The following TNFAIP8 variants were observed in gnomAD, a reference collection of about 807,000 sequenced individuals.
TNFAIP8 encodes the protein TNF alpha induced protein 8, also known as tumor necrosis factor alpha-induced protein 8.
Under a neutral mutation model 13.3 loss-of-function variants are expected in TNFAIP8, and 7 were observed. The ratio of observed to expected loss-of-function variants is 0.52; its 90% CI spans 0.30 to 0.99. The LOEUF (loss-of-function observed/expected upper bound fraction) is 0.99, where lower values mean the gene tolerates loss of function less well. Ranked by LOEUF, TNFAIP8 falls within the 50% of genes least tolerant of loss-of-function variation. The probability of loss-of-function intolerance (pLI) is 0.07; values close to 1 mark genes in which losing one functional copy is unlikely to be tolerated. For missense variants in TNFAIP8, 258 were observed against 236.9 expected (o/e 1.09, Z -0.58); for synonymous variants, 94 against 87.6 (o/e 1.07, Z -0.41).
At chr5:119,336,609 A>G (rs772750348) in intron 1 of TNFAIP8, among the ~76,000 whole-genome samples, 1 of 152,192 alleles carries the variant, frequency 6.6e-6, no homozygotes, top group Non-Finnish European at 1.5e-5. Flanking sequence ...GGTTTTCCCA[A>G]TGGTATTCTG....
At chr5:119,351,022 G>C (rs1751115289), upstream of TNFAIP8, among the ~76,000 whole-genome samples, 1 of 151,236 alleles carries the variant, frequency 6.6e-6, no homozygotes, top group Non-Finnish European at 1.5e-5. Context: ...GTGTGTGTGT[G>C]TGTGTGTGTG....
At chr5:119,355,791 G>T, upstream of TNFAIP8, 1 of 492,484 alleles carries the variant, frequency 2.0e-6, no homozygotes, top group Non-Finnish European at 2.8e-6. Flanking sequence ...TGCCCCACCT[G>T]CGTGCGCCCG....
rs76846136 is a variant in TNFAIP8 at position 119,277,463 on chromosome 5, G to T, written c.1+8556G>T. Among the ~76,000 whole-genome samples the T allele has an allele frequency of 5.3e-4, 80 of 152,054 alleles. No individual in the cohort carries two copies. In the East Asian group the frequency reaches 0.014, roughly 27 times the overall value. ...TTTAATATTATAGCTCACGTCTACT[G>T]GCCACAGATCCTCTCAGCTTGTTGT... On this transcript the variant is annotated intron_variant, in intron 1 of 1. Transcript: ENST00000274456.
At chr5:119,355,814 C>A (rs1751380101), upstream of TNFAIP8, 3 of 824,464 alleles carry the variant, frequency 3.6e-6, no homozygotes, top group South Asian at 1.4e-4. Flanking sequence ...CCGAGCCAGC[C>A]CCGCCAGGTC....
intron 1 of TNFAIP8, among the ~76,000 whole-genome samples, chr5:119,301,564 T>C (rs532000535): frequency 1.2e-4 from 19 of 152,372 alleles, no homozygotes; most frequent in African/African-American, 3.4e-4. Flanking sequence ...GCTGGAGACA[T>C]TGGAGTCCCA....
intron 1 of TNFAIP8, among the ~76,000 whole-genome samples, chr5:119,365,468 A>C (rs1418322844): frequency 6.6e-6 from 1 of 152,204 alleles, no homozygotes; most frequent in Non-Finnish European, 1.5e-5. Context: ...GTTAGTGTAA[A>C]GCTCAGTGCT....
At chr5:119,333,778 CTGTTT>C in intron 1 of TNFAIP8, 3 of 744,004 alleles carry the variant, frequency 4.0e-6, no homozygotes, top group Non-Finnish European at 6.7e-6. Flanking sequence ...CAACAAATCA[CTGTTT>C]TGTTTTGTTT....
rs190558920 is a variant in TNFAIP8, at chr5:119,362,572, G to A, written c.31+6451G>A. 3.3e-4 allele frequency among the ~76,000 whole-genome samples: 50 copies of A among 151,990 alleles called. No homozygotes were observed. In the East Asian group the frequency reaches 7.9e-3, roughly 24 times the overall value. On this transcript the variant is annotated intron_variant, in intron 1 of 1. Transcript: ENST00000504771. ...GCACTTTGAGAGGTTGAAGGAGGTG[G>A]GTCAGTTGACCCCAGGAGTTCAAGA...
chr5:119,346,509 A>G (rs1750905934), intron 1 of TNFAIP8, among the ~76,000 whole-genome samples: 1 of 152,198 alleles, frequency 6.6e-6, no homozygotes, highest in South Asian at 2.1e-4. Context: ...ATGAAGGGTG[A>G]ATTTCGAGCT....
chr5:119,385,358 T>C (rs1319075819), intron 1 of TNFAIP8, among the ~76,000 whole-genome samples: 1 of 152,226 alleles, frequency 6.6e-6, no homozygotes, highest in Non-Finnish European at 1.5e-5. Flanking sequence ...CGCTGTGACT[T>C]CTAAAGTGAC....
intron 1 of TNFAIP8, among the ~76,000 whole-genome samples, chr5:119,368,915 C>G (rs32654): frequency 0.75 from 113,905 of 152,052 alleles, 43,710 homozygotes; most frequent in African/African-American, 0.93. Context: ...CTATGCTGTA[C>G]ATTGAGCTTG....
intron 1 of TNFAIP8, among the ~76,000 whole-genome samples, chr5:119,325,213 T>G (rs1342586304): frequency 6.6e-6 from 1 of 152,250 alleles, no homozygotes. Flanking sequence ...GCAGTTTCCT[T>G]GCACTTGTCC....
intron 1 of TNFAIP8, among the ~76,000 whole-genome samples, chr5:119,274,517 G>C (rs1748382258): frequency 1.3e-5 from 2 of 152,216 alleles, no homozygotes; most frequent in South Asian, 4.1e-4. Context: ...TGGAAGAGGT[G>C]AGTGAACTCA....
chr5:119,291,746 G>T (rs1171944726), intron 1 of TNFAIP8, among the ~76,000 whole-genome samples: 1 of 152,146 alleles, frequency 6.6e-6, no homozygotes, highest in Non-Finnish European at 1.5e-5. Flanking sequence ...CATTGTCCTT[G>T]TATTTTCGTT....
At chr5:119,313,378 G>T (rs1366188999) in intron 1 of TNFAIP8, among the ~76,000 whole-genome samples, 1 of 152,176 alleles carries the variant, frequency 6.6e-6, no homozygotes. Context: ...ATGAGGCTTT[G>T]GGGGCCAGGG....
intron 1 of TNFAIP8, among the ~76,000 whole-genome samples, chr5:119,348,563 T>G (rs566853886): frequency 6.6e-6 from 1 of 152,180 alleles, no homozygotes; most frequent in African/African-American, 2.4e-5. Flanking sequence ...GATAGGAGAT[T>G]GCTTCACCAG....
chr5:119,394,302 T>TA lies in TNFAIP8; in HGVS notation c.*922dup, dbSNP rs1366176092. ...GGAATGAGGGGCAAAAGGGGAGAAA[T>TA]ACTGCTAAAGAACATGAGCATAAAA... On this transcript the variant is annotated 3_prime_UTR_variant, in exon 2 of 2. Coordinates refer to ENST00000504771, the MANE Select transcript of TNFAIP8 (RefSeq NM_014350.4). 1.3e-5 allele frequency: 2 copies of TA among 152,196 alleles called. No homozygotes were observed. The highest frequency in any genetic ancestry group is 3.8e-4 in the East Asian group (2 of 5,198). 9.4% of individuals were successfully genotyped at this position (152,196 alleles called of 1,614,324 possible). A position where few individuals can be genotyped will look rare whatever the true frequency, so the allele number is the denominator to read the frequency against.
intron 1 of TNFAIP8, among the ~76,000 whole-genome samples, chr5:119,302,802 A>G (rs1561991668): frequency 6.6e-6 from 1 of 152,254 alleles, no homozygotes; most frequent in African/African-American, 2.4e-5. Context: ...ATATGCTGAG[A>G]TGAAAAGGAG....
At chr5:119,350,952 TTGTGTGTGTG>T (rs35633858) in intron 1 of TNFAIP8, among the ~76,000 whole-genome samples, 2 of 144,686 alleles carry the variant, frequency 1.4e-5, no homozygotes, top group Non-Finnish European at 3.0e-5. Context: ...CTATGTGTAT[TTGTGTGTGTG>T]TGTGTGTGTG....
Sources: gnomAD v4.1 joint callset for allele counts (sites outside exome capture counted in the v4.1 genomes callset) on GRCh38, gnomAD v4.1.1 for gene constraint, MANE v1.5 for transcripts, NCBI Gene and HGNC (gene_info 2026-07-23, HGNC 2026-07-21) for gene names.